DST: variants seen among roughly 807,000 people sequenced by gnomAD.
DST encodes the protein bullous pemphigoid antigen.
A neutral mutation model predicts 875.2 loss-of-function variants in DST; 253 were observed. The observed-to-expected ratio is 0.29, with a 90% CI of 0.26 to 0.32. The LOEUF is 0.32. DST is among the 10% of genes least tolerant of loss of function. The probability of loss-of-function intolerance (pLI) is 1.00; values close to 1 mark genes in which losing one functional copy is unlikely to be tolerated. For synonymous variants in DST, 3,124 were observed against 3,197.1 expected (o/e 0.98, Z 0.77); for missense variants, 8,287 against 9,111.6 (o/e 0.91, Z 3.68).
At chr6:56,907,027 C>T (rs754345563) in intron 2 of DST, among the ~76,000 whole-genome samples, 31 of 152,104 alleles carry the variant, frequency 2.0e-4, no homozygotes, top group Non-Finnish European at 3.8e-4. Context: ...TAATAATAAC[C>T]CAGTACATCT....
At chr6:56,786,215 C>G (rs571940679) in intron 4 of DST, among the ~76,000 whole-genome samples, 30 of 152,214 alleles carry the variant, frequency 2.0e-4, no homozygotes, top group African/African-American at 7.0e-4. Context: ...TGATTCATTC[C>G]CCCATCTCCA....
intron 72 of DST, among the ~76,000 whole-genome samples, chr6:56,513,721 C>T (rs543452797): frequency 2.6e-5 from 4 of 152,112 alleles, no homozygotes; most frequent in East Asian, 1.9e-4. Flanking sequence ...AGAACACCTA[C>T]CAGCCATCTA....
chr6:56,523,729 C>A (rs2096747212), intron 69 of DST, among the ~76,000 whole-genome samples: 1 of 152,082 alleles, frequency 6.6e-6, no homozygotes, highest in South Asian at 2.1e-4. Flanking sequence ...ATTTAACTCT[C>A]CCTGATTTAA....
chr6:56,475,913 C>T (rs1236298696), intron 92 of DST, among the ~76,000 whole-genome samples: 2 of 152,052 alleles, frequency 1.3e-5, no homozygotes, highest in Non-Finnish European at 2.9e-5. Flanking sequence ...TGAGACAATA[C>T]CACGAGTGTA....
intron 9 of DST, among the ~76,000 whole-genome samples, chr6:56,675,764 A>G (rs977151903): frequency 1.3e-5 from 2 of 152,066 alleles, no homozygotes; most frequent in Non-Finnish European, 2.9e-5. Context: ...AGGTAGGGGA[A>G]CCACTTGAAC....
chr6:56,492,080 G>T, intron 85 of DST, 147 bp downstream of exon 85: 2 of 741,452 alleles, frequency 2.7e-6, no homozygotes, highest in Non-Finnish European at 4.3e-6. Flanking sequence ...TGAGGCCACA[G>T]CCCTTTTAGG....
intron 36 of DST, 194 bp downstream of exon 36, chr6:56,624,336 A>C: frequency 4.5e-6 from 3 of 672,476 alleles, no homozygotes; most frequent in Non-Finnish European, 5.4e-6. Flanking sequence ...ATTTGAATGA[A>C]TCTTAAAGAC....
chr6:56,801,369 T>TTAAC, intron 4 of DST, among the ~76,000 whole-genome samples: 1 of 152,268 alleles, frequency 6.6e-6, no homozygotes, highest in East Asian at 1.9e-4. Flanking sequence ...TCAGGTCTGT[T>TTAAC]TGCTGTAGAA....
intron 80 of DST, among the ~76,000 whole-genome samples, chr6:56,498,650 T>C (rs1019724161): frequency 2.0e-5 from 3 of 152,174 alleles, no homozygotes; most frequent in Admixed American, 2.0e-4. Context: ...TTTACTCCTA[T>C]ATATTCATTT....
chr6:56,651,035 A>G lies in DST; in HGVS notation c.1328-3T>C, dbSNP rs2098972725. Reference sequence around the variant, plus strand: ...ATCAGGTGAGGAGACATCGACATCTAAAAACAGCAACATAAATTAATTATT... The same window carrying G: ...ATCAGGTGAGGAGACATCGACATCTGAAAACAGCAACATAAATTAATTATT... On this transcript the variant is annotated splice_region_variant and splice_polypyrimidine_tract_variant and intron_variant, in intron 11 of 103. Transcript: ENST00000680361. The G allele has an allele frequency of 1.2e-6, 2 of 1,601,178 alleles. No individual in the cohort carries two copies. Among genetic ancestry groups the G allele is most frequent in the Non-Finnish European group, 1.7e-6 (2 of 1,169,312 alleles).
chr6:56,461,277 A>G (rs977896128), intron 102 of DST: 1 of 152,224 alleles, frequency 6.6e-6, no homozygotes, highest in Non-Finnish European at 1.5e-5. Flanking sequence ...TGATTTGTAT[A>G]CATAGAATGT....
intron 72 of DST, 63 bp downstream of exon 72, chr6:56,515,387 A>G: frequency 2.6e-6 from 4 of 1,558,212 alleles, no homozygotes; most frequent in Non-Finnish European, 2.6e-6. Flanking sequence ...ACTAAAAACC[A>G]CCATAAAAAT....
At chr6:56,679,262 C>T (rs2099145486) in intron 9 of DST, among the ~76,000 whole-genome samples, 2 of 152,218 alleles carry the variant, frequency 1.3e-5, no homozygotes, top group South Asian at 4.2e-4. Context: ...ACCACCAAAC[C>T]TTAATCCTGA....
chr6:56,775,815 T>C (rs1173062919), intron 4 of DST, among the ~76,000 whole-genome samples: 3 of 152,218 alleles, frequency 2.0e-5, no homozygotes, highest in Admixed American at 2.0e-4. Flanking sequence ...TACAAGTCCA[T>C]ATTGACATAC....
intron 90 of DST, among the ~76,000 whole-genome samples, chr6:56,481,207 A>G (rs2095389634): frequency 6.6e-6 from 1 of 152,236 alleles, no homozygotes; most frequent in African/African-American, 2.4e-5. Flanking sequence ...ACTAGAATTA[A>G]TGATGTATTT....
intron 90 of DST, among the ~76,000 whole-genome samples, chr6:56,481,204 T>C (rs1049609942): frequency 6.6e-6 from 1 of 152,220 alleles, no homozygotes; most frequent in African/African-American, 2.4e-5. Flanking sequence ...TACACTAGAA[T>C]TAATGATGTA....
chr6:56,840,769 T>G (rs898956174), intron 4 of DST, among the ~76,000 whole-genome samples: 2 of 152,208 alleles, frequency 1.3e-5, no homozygotes, highest in African/African-American at 4.8e-5. Flanking sequence ...CTAACAAAAC[T>G]CTCGACTTCT....
In DST at chr6:56,610,465, C is replaced by G. The variant is rs868839656; in HGVS notation, c.5245G>C (p.Glu1749Gln). 6.4e-7 allele frequency: 1 copy of G among 1,567,684 alleles called. No individual in the cohort carries two copies. The highest frequency in any genetic ancestry group is 2.3e-5 in the East Asian group (1 of 43,310). Residue 1749 changes from glutamate to glutamine, a missense_variant, in exon 39 of 104, where the codon GAA becomes CAA. Physicochemically the swap from Glu to Gln is conservative, Grantham distance 29. Around this residue, in one of 10 missense-constraint regions of DST, gnomAD observed 3,138 missense variants for 3,116.6 expected, o/e 1.01. Transcript: ENST00000680361. ...LFSESLKQLQ[E>Q]SQTSGDVKVE... ...TTTACATCTCCTGAGGTTTGTGATTCTTGTAGCTGTTTCAGAGATTCACTG... is the reference window on the plus strand; with the variant it reads ...TTTACATCTCCTGAGGTTTGTGATTGTTGTAGCTGTTTCAGAGATTCACTG...
chr6:56,897,421 T>G (rs1440270597), intron 3 of DST, among the ~76,000 whole-genome samples: 1 of 151,820 alleles, frequency 6.6e-6, no homozygotes, highest in Non-Finnish European at 1.5e-5. Context: ...AACCTCCACC[T>G]CCTGGTTCAA....
Sources: allele counts gnomAD v4.1 joint callset (sites outside exome capture counted in the v4.1 genomes callset), GRCh38; gene constraint gnomAD v4.1.1; regional missense constraint gnomAD v4.1.1; transcripts MANE v1.5; gene names NCBI Gene and HGNC (gene_info 2026-07-23, HGNC 2026-07-21).